UBE2D2: variants seen among roughly 807,000 people sequenced by gnomAD.
UBE2D2 encodes ubiquitin conjugating enzyme E2 D2, also known as ubiquitin-conjugating enzyme E2 D2.
A neutral mutation model predicts 24.2 loss-of-function variants in UBE2D2; 2 were observed. That is an observed-to-expected ratio of 0.08 (90% confidence interval 0.03 to 0.26). The LOEUF is 0.26. Among genes scored for constraint, UBE2D2 ranks in the 10% least tolerant of loss-of-function variants. The pLI is 1.00. For synonymous variants in UBE2D2, 58 were observed against 56.5 expected (o/e 1.03, Z -0.12); for missense variants, 44 against 177.6 (o/e 0.25, Z 4.28).
chr5:139,585,200 G>T (rs1753703975), intron 1 of UBE2D2, among the ~76,000 whole-genome samples: 2 of 149,906 alleles, frequency 1.3e-5, no homozygotes, highest in Admixed American at 1.3e-4. Context: ...GTGCCCGGCT[G>T]CGTGCAGGTC....
At position 139,531,635 on chromosome 5, in the gene UBE2D2, A is replaced by AAAAAAAAAG. The variant is rs1364969199; in HGVS notation, c.-64+5026_-64+5027insAAAAAGAAA. ...GAGTGAGACCCTATCCAAAAAAAAA[A>AAAAAAAAAG]AAAGAAAGAAAAAGAAAGAAAGAAA... On this transcript the variant is annotated intron_variant, in intron 1 of 6. Transcript: ENST00000511725. Among the ~76,000 whole-genome samples the AAAAAAAAAG allele has an allele frequency of 4.0e-5, 6 of 151,410 alleles. No individual in the cohort carries two copies. In the East Asian group the frequency reaches 5.8e-4, roughly 15 times the overall value.
At chr5:139,535,697 G>C (rs1490840565) in intron 1 of UBE2D2, among the ~76,000 whole-genome samples, 2 of 152,174 alleles carry the variant, frequency 1.3e-5, no homozygotes, top group South Asian at 4.1e-4. Context: ...CCCTATCAAA[G>C]AGCATGAGGC....
In UBE2D2 at chr5:139,592,192, ACT is replaced by A. The variant is rs1489556679; in HGVS notation, c.25-8177_25-8176del. The stretch of plus-strand genomic sequence containing the variant: ...AGTCTAGCCTGGGCGACAAAGCAAG[ACT>A]CTGTCTTACAAAAAAAGAAAAAGGA... On this transcript the variant is annotated intron_variant, in intron 1 of 6. Transcript: ENST00000398733. 3.3e-5 allele frequency among the ~76,000 whole-genome samples: 5 copies of A among 151,996 alleles called. No homozygotes were observed. The East Asian group carries it at 5.8e-4, about 18-fold the overall frequency.
At chr5:139,607,498 A>AT (rs369271243) in intron 2 of UBE2D2, among the ~76,000 whole-genome samples, 1 of 152,006 alleles carries the variant, frequency 6.6e-6, no homozygotes, top group Non-Finnish European at 1.5e-5. Flanking sequence ...GTTTTTGCTC[A>AT]TTTTTTTGAT....
rs57962602 is a variant in UBE2D2, at chr5:139,590,782, CTTTTTTTTT to C, written c.25-9568_25-9560del. Among the ~76,000 whole-genome samples, 31 of 38,424 alleles carry C rather than the reference CTTTTTTTTT, an allele frequency of 8.1e-4. 1 individual carries two copies. The highest frequency in any genetic ancestry group is 0.031 in the Middle Eastern group (1 of 32). 25.2% of individuals were successfully genotyped at this position (38,424 alleles called of 152,430 possible). On this transcript the variant is annotated intron_variant, in intron 1 of 6. Transcript: ENST00000398733. ...TTCATGGTGGGTATTTTCTCTTCTT[CTTTTTTTTT>C]TTTTTTTTTTTTTTTTTTTTTGAGA...
At chr5:139,536,173 T>C (rs141938303) in intron 1 of UBE2D2, among the ~76,000 whole-genome samples, 2,152 of 152,140 alleles carry the variant, frequency 0.014, 28 homozygotes, top group Non-Finnish European at 0.023. Context: ...GATCTCAGCT[T>C]ACCACAACCT....
chr5:139,543,815 A>C (rs528177077), intron 1 of UBE2D2, among the ~76,000 whole-genome samples: 3 of 152,300 alleles, frequency 2.0e-5, no homozygotes, highest in African/African-American at 7.2e-5. Flanking sequence ...AATTTCCTTA[A>C]TGTAAATTAG....
intron 5 of UBE2D2, 115 bp from the exon 6 acceptor site, chr5:139,623,253 G>T: frequency 4.1e-6 from 2 of 492,256 alleles, no homozygotes; most frequent in Non-Finnish European, 3.5e-6. Flanking sequence ...AACTTACAAA[G>T]CTGCTAGGCA....
chr5:139,611,622 C>T (rs1184216533), intron 2 of UBE2D2, among the ~76,000 whole-genome samples: 6 of 152,146 alleles, frequency 3.9e-5, no homozygotes, highest in Non-Finnish European at 4.4e-5. Flanking sequence ...TAAATAATTT[C>T]CATGTCTCTC....
intron 2 of UBE2D2, among the ~76,000 whole-genome samples, chr5:139,600,741 GATGATAGT>G (rs1263351342): frequency 1.1e-4 from 16 of 152,100 alleles, no homozygotes; most frequent in Non-Finnish European, 2.4e-4. Context: ...TAATACTAAG[GATGATAGT>G]ATGTGTGTCT....
intron 1 of UBE2D2, among the ~76,000 whole-genome samples, chr5:139,574,118 T>A (rs2126658185): frequency 6.7e-6 from 1 of 150,220 alleles, no homozygotes; most frequent in Non-Finnish European, 1.5e-5. Flanking sequence ...TTCGTTCTTG[T>A]TGCCCAGGCT....
At chr5:139,598,919 C>CTTTT (rs36027909) in intron 1 of UBE2D2, among the ~76,000 whole-genome samples, 7 of 76,208 alleles carry the variant, frequency 9.2e-5, no homozygotes, top group African/African-American at 2.9e-4. Flanking sequence ...AAATATATTC[C>CTTTT]TTTTTTTTTT....
At chr5:139,545,071 A>C (rs1042351357) in intron 1 of UBE2D2, among the ~76,000 whole-genome samples, 8 of 151,994 alleles carry the variant, frequency 5.3e-5, no homozygotes, top group African/African-American at 1.7e-4. Context: ...GAGCCACTGC[A>C]CCTGGCCTGC....
At chr5:139,545,030 C>T (rs552633231) in intron 1 of UBE2D2, among the ~76,000 whole-genome samples, 33 of 151,960 alleles carry the variant, frequency 2.2e-4, no homozygotes, top group African/African-American at 7.7e-4. Context: ...CCACCCGCCT[C>T]GGCCTTCCAA....
intron 1 of UBE2D2, among the ~76,000 whole-genome samples, chr5:139,546,807 C>CTTCTTTCTTTCTTTCT (rs1405538149): frequency 1.5e-4 from 22 of 141,962 alleles, no homozygotes; most frequent in Admixed American, 8.7e-4. Context: ...TTCTTTCTTT[C>CTTCTTTCTTTCTTTCT]TTCTTTCTTT....
chr5:139,562,479 AAACT>A, intron 1 of UBE2D2: 1 of 1,255,904 alleles, frequency 8.0e-7, no homozygotes, highest in Non-Finnish European at 1.0e-6. Context: ...ATGTAGTTAG[AAACT>A]AACACTTCCG....
rs539405890 is a variant in UBE2D2 at position 139,572,890 on chromosome 5, C to T, written c.24+11075C>T. On this transcript the variant is annotated intron_variant, in intron 1 of 6. Coordinates refer to ENST00000398733, the MANE Select transcript of UBE2D2 (RefSeq NM_003339.3). ...AACTCCTGGCCTCAAGTGATCCACC[C>T]GCCTAAGCCTTTCAATGTGCTGGGA... 2.8e-4 allele frequency among the ~76,000 whole-genome samples: 43 copies of T among 152,108 alleles called. 1 individual carries two copies. The highest frequency in any genetic ancestry group is 9.4e-4 in the African/African-American group (39 of 41,504).
intron 1 of UBE2D2, among the ~76,000 whole-genome samples, chr5:139,569,800 C>A (rs1378269492): frequency 6.6e-6 from 1 of 152,152 alleles, no homozygotes; most frequent in Non-Finnish European, 1.5e-5. Flanking sequence ...TATTTTCTGG[C>A]AAGCCATGTG....
intron 1 of UBE2D2, among the ~76,000 whole-genome samples, chr5:139,534,363 G>A (rs978705185): frequency 2.1e-4 from 32 of 151,862 alleles, no homozygotes; most frequent in African/African-American, 7.5e-4. Context: ...TCAGGAGATC[G>A]AGACCATCCT....
Sources: allele counts gnomAD v4.1 joint callset (sites outside exome capture counted in the v4.1 genomes callset), GRCh38; gene constraint gnomAD v4.1.1; transcripts MANE v1.5; gene names NCBI Gene and HGNC (gene_info 2026-07-23, HGNC 2026-07-21).